The following FPGS variants were observed in gnomAD, a reference collection of about 807,000 sequenced individuals.
The protein encoded by FPGS is folylpolyglutamate synthase.
FPGS carries 53 observed loss-of-function variants against 66.5 expected under a neutral mutation model. The ratio of observed to expected loss-of-function variants is 0.80; its 90% confidence interval spans 0.64 to 1.00. The LOEUF is 1.00. Ranked by LOEUF, FPGS falls within the 50% of genes least tolerant of loss-of-function variation. The pLI is 0.00. For synonymous variants in FPGS, 348 were observed against 350.9 expected (o/e 0.99, Z 0.09); for missense variants, 702 against 807.7 (o/e 0.87, Z 1.59).
chr9:127,808,779 T>C (rs1417109518), intron 10 of FPGS, 21 bp from the exon 11 acceptor site: 5 of 1,555,626 alleles, frequency 3.2e-6, no homozygotes, highest in African/African-American at 2.7e-5. Flanking sequence ...CCGGACACAC[T>C]TGGTCTCACA....
Position 127,804,285 on chromosome 9 carries a change from G to A in FPGS, c.139G>A (p.Asp47Asn). ...ACTATCTGGGCACTGTGGTTGCCAGGATGCCGTGCGCATGCTCAATACCCT... is the reference window on the plus strand; with the variant it reads ...ACTATCTGGGCACTGTGGTTGCCAGAATGCCGTGCGCATGCTCAATACCCT... ...VPQEPSMEYQ[D>N]AVRMLNTLQT... is the part of the protein sequence containing the mutation. The change falls in exon 2 of 15, where the codon GAT becomes AAT. Residue 47 changes from aspartate to asparagine, a missense_variant and splice_region_variant. Around this residue, in one of 3 missense-constraint regions of FPGS, gnomAD observed 111 missense variants for 95.4 expected, o/e 1.16. Coordinates refer to ENST00000373247, the MANE Select transcript of FPGS (RefSeq NM_004957.6). 6.2e-7 allele frequency: 1 copy of A among 1,613,914 alleles called. No homozygotes were observed. Among genetic ancestry groups the A allele is most frequent in the Non-Finnish European group, 8.5e-7 (1 of 1,179,852 alleles).
At chr9:127,806,436 G>A (rs775364186) in intron 4 of FPGS, 45 of 155,838 alleles carry the variant, frequency 2.9e-4, no homozygotes, top group Non-Finnish European at 5.3e-4. Flanking sequence ...AACCTGGGAG[G>A]CAGAGGTTGC....
At position 127,813,459 on chromosome 9, in the gene FPGS, C is replaced by T; in HGVS notation, c.1619C>T (p.Pro540Leu). The change falls in exon 15 of 15, where the codon CCC (proline) becomes CTC (leucine). Residue 540 changes from proline (P) to leucine (L), a missense_variant. Physicochemically the swap from Pro to Leu is moderately conservative, Grantham distance 98. This residue lies in a region of FPGS where 351 missense variants were observed against 363.7 expected (regional missense o/e 0.97). Coordinates refer to ENST00000373247, the MANE Select transcript of FPGS (RefSeq NM_004957.6). ...GRDPIFQPPS[P>L]PKGLLTHPVA... is the part of the protein sequence containing the mutation. ...GACCCCATCTTCCAGCCACCTAGTC[C>T]CCCAAAGGGCCTCCTCACCCACCCT... is the stretch of plus-strand genomic sequence containing the variant. 6.2e-7 allele frequency: 1 copy of T among 1,612,736 alleles called. No homozygotes were observed. The highest frequency in any genetic ancestry group is 8.5e-7 in the Non-Finnish European group (1 of 1,179,432).
Position 127,806,303 on chromosome 9 carries a change from C to G in FPGS, c.387-670C>G, listed in dbSNP as rs541232105. On this transcript the variant is annotated intron_variant, in intron 4 of 14. Coordinates refer to ENST00000373247, the MANE Select transcript of FPGS (RefSeq NM_004957.6). ...GGTGGATCACCAGAGGTCAGGAGTT[C>G]AAGACCAGCCTGGCTAACATGGCGT... is the stretch of plus-strand genomic sequence containing the variant. Among the ~76,000 whole-genome samples, 3 of 152,284 alleles carry G rather than the reference C, an allele frequency of 2.0e-5. No homozygotes were observed. In the South Asian group the frequency reaches 6.2e-4, roughly 32 times the overall value.
In FPGS at chr9:127,810,011, G is replaced by A; in HGVS notation, c.1212-20G>A. On this transcript the variant is annotated intron_variant, in intron 12 of 14. Transcript: ENST00000373247. ...AGAACGGGCGGCGCCCTTTGACCCAGCTCCTCACCTCTGTCGCAGTGGCCC... is the reference window on the plus strand; with the variant it reads ...AGAACGGGCGGCGCCCTTTGACCCAACTCCTCACCTCTGTCGCAGTGGCCC... The A allele has an allele frequency of 6.2e-7, 1 of 1,605,290 alleles. No homozygotes were observed.
Position 127,807,889 on chromosome 9 carries a change from T to C in FPGS, c.744+201T>C. 3.5e-6 allele frequency: 2 copies of C among 576,404 alleles called. No individual in the cohort carries two copies. The highest frequency in any genetic ancestry group is 3.8e-5 in the African/African-American group (2 of 53,306). The allele number at this position is 576,404 out of a possible 1,614,324, so 35.7% of individuals were successfully genotyped here. On this transcript the variant is annotated intron_variant, in intron 8 of 14. Coordinates refer to ENST00000373247, the MANE Select transcript of FPGS (RefSeq NM_004957.6). The surrounding 1 kb of genome is among the most constrained non-coding windows in gnomAD (Gnocchi z 5.8). The stretch of plus-strand genomic sequence containing the variant: ...AGGAGGTCGAGGTGAGAGGATCACC[T>C]GAGATCCGGAGTTTGAGACCAGCCT...
rs1243127123 is a variant in FPGS, at chr9:127,809,720, T to G, written c.1097T>G (p.Val366Gly). ...ACGGAGTGGCCGGGCCGGACGCAGG[T>G]GCTGCGGCGCGGGCCCCTCACCTGG... Reference protein sequence around the residue: ...RNTEWPGRTQVLRRGPLTWYL... With the variant: ...RNTEWPGRTQGLRRGPLTWYL... Residue 366 changes from valine to glycine, a missense_variant, in exon 12 of 15, where the codon GTG becomes GGG. By Grantham distance (109) the Val-to-Gly change is moderately radical. Coordinates refer to ENST00000373247, the MANE Select transcript of FPGS (RefSeq NM_004957.6). 3 of 1,589,126 alleles carry G rather than the reference T, an allele frequency of 1.9e-6. No homozygotes were observed. The highest frequency in any genetic ancestry group is 1.7e-6 in the Non-Finnish European group (2 of 1,175,682).
intron 4 of FPGS, among the ~76,000 whole-genome samples, chr9:127,805,826 G>A (rs1439851126): frequency 1.3e-5 from 2 of 152,116 alleles, no homozygotes; most frequent in African/African-American, 4.8e-5. Flanking sequence ...CTGGGGCAGC[G>A]CCCCCTCTTG....
chr9:127,812,851 T>G (rs1830137236), intron 14 of FPGS, among the ~76,000 whole-genome samples: 1 of 152,160 alleles, frequency 6.6e-6, no homozygotes, highest in African/African-American at 2.4e-5. Flanking sequence ...TTAACCAGCA[T>G]CCCCAGAAAT....
chr9:127,805,455 G>A (rs1829772040), intron 4 of FPGS, among the ~76,000 whole-genome samples: 1 of 151,820 alleles, frequency 6.6e-6, no homozygotes, highest in Non-Finnish European at 1.5e-5. Context: ...CAGATGGTCA[G>A]ATGTCTCTTT....
chr9:127,813,138 C>T (rs914022121), intron 14 of FPGS, 57 bp from the exon 15 acceptor site: 28 of 1,512,864 alleles, frequency 1.9e-5, no homozygotes, highest in Non-Finnish European at 2.2e-5. Context: ...CCTTTCTCCA[C>T]CCCTGTCCCT....
Position 127,808,259 on chromosome 9 carries a change from TC to T in FPGS, c.772del (p.Gln258AsnfsTer9). The T allele has an allele frequency of 1.2e-6, 2 of 1,614,086 alleles. No individual in the cohort carries two copies. Among genetic ancestry groups the T allele is most frequent in the Non-Finnish European group, 1.7e-6 (2 of 1,179,958 alleles). ...CAAGGTGTCCCTGCCTTCACTGTGC[TC>T]CAACCTGAAGGTCCCCTGGCAGTGC... is the stretch of plus-strand genomic sequence containing the variant. Reference protein sequence around the residue: ...FKQGVPAFTVLQPEGPLAVLR... With the variant: ...FKQGVPAFTVXQPEGPLAVLR... On this transcript the variant is annotated frameshift_variant, in exon 9 of 15. Transcript: ENST00000373247. LOFTEE classifies it high-confidence loss of function.
At position 127,809,682 on chromosome 9, in the gene FPGS, A is replaced by G; in HGVS notation, c.1061-2A>G. On this transcript the variant is annotated splice_acceptor_variant, in intron 11 of 14. Coordinates refer to ENST00000373247, the MANE Select transcript of FPGS (RefSeq NM_004957.6). LOFTEE classifies it high-confidence loss of function. ...GAGGACTGCCTTGCTGCCCTCCCCCAGGGCTTCGGAACACGGAGTGGCCGG... is the reference window on the plus strand; with the variant it reads ...GAGGACTGCCTTGCTGCCCTCCCCCGGGGCTTCGGAACACGGAGTGGCCGG... The G allele has an allele frequency of 6.3e-7, 1 of 1,585,934 alleles. No individual in the cohort carries two copies. The highest frequency in any genetic ancestry group is 8.5e-7 in the Non-Finnish European group (1 of 1,173,692).
Position 127,813,268 on chromosome 9 carries a change from C to A in FPGS, c.1428C>A (p.His476Gln). The A allele has an allele frequency of 6.2e-7, 1 of 1,612,870 alleles. No homozygotes were observed. The highest frequency in any genetic ancestry group is 8.5e-7 in the Non-Finnish European group (1 of 1,179,750). ...RCLEHQQHWNHLDEEQASPDL... is the reference protein window; with the variant it reads ...RCLEHQQHWNQLDEEQASPDL... Reference sequence around the variant, plus strand: ...TGGAACACCAGCAGCACTGGAACCACCTGGACGAAGAGCAGGCCAGCCCGG... The same window carrying A: ...TGGAACACCAGCAGCACTGGAACCAACTGGACGAAGAGCAGGCCAGCCCGG... Residue 476 changes from histidine (H) to glutamine (Q), a missense_variant, in exon 15 of 15, where the codon CAC (histidine) becomes CAA (glutamine). By Grantham distance (24) the His-to-Gln change is conservative. Transcript: ENST00000373247.
intron 4 of FPGS, chr9:127,806,624 T>C: frequency 3.8e-6 from 1 of 264,950 alleles, no homozygotes; most frequent in Admixed American, 4.6e-5. Context: ...TTGTGGGCTT[T>C]GTCTCTGAGA....
chr9:127,810,852 G>A, intron 13 of FPGS, 93 bp from the exon 14 acceptor site: 1 of 653,282 alleles, frequency 1.5e-6, no homozygotes. Context: ...CAGGGAGGCT[G>A]CATCTCCAGA....
Position 127,809,825 on chromosome 9 carries a change from G to A in FPGS, c.1202G>A (p.Arg401Lys). ...CGCCAGGCGCTGCAGGGCCGCGAGAGGCCGAGCGGGTGAGGGGCAGGGCTG... is the reference window on the plus strand; with the variant it reads ...CGCCAGGCGCTGCAGGGCCGCGAGAAGCCGAGCGGGTGAGGGGCAGGGCTG... Reference protein sequence around the residue: ...WFRQALQGRERPSGGPEVRVL... With the variant: ...WFRQALQGREKPSGGPEVRVL... Residue 401 changes from arginine to lysine, a missense_variant, in exon 12 of 15, where the codon AGG becomes AAG. Physicochemically the swap from Arg to Lys is conservative, Grantham distance 26 (BLOSUM62 2). Coordinates refer to ENST00000373247, the MANE Select transcript of FPGS (RefSeq NM_004957.6). The A allele has an allele frequency of 6.9e-7, 1 of 1,447,554 alleles. No homozygotes were observed. The highest frequency in any genetic ancestry group is 9.0e-7 in the Non-Finnish European group (1 of 1,110,258). The allele number at this position is 1,447,554 out of a possible 1,614,324, so 89.7% of individuals were successfully genotyped here.
chr9:127,813,496 T>C lies in FPGS; in HGVS notation c.1656T>C (p.Ser552=), dbSNP rs1335092633. Residue 552 remains serine, a synonymous_variant, in exon 15 of 15, where the codon AGT becomes AGC. Transcript: ENST00000373247. ...KGLLTHPVAH[S]GASILREAAA... ...TCCTCACCCACCCTGTGGCTCACAG[T>C]GGGGCCAGCATACTCCGTGAGGCTG... 6.2e-7 allele frequency: 1 copy of C among 1,613,096 alleles called. No individual in the cohort carries two copies.
chr9:127,810,091 G>A lies in FPGS; in HGVS notation c.1272G>A (p.Leu424=), dbSNP rs1294192276. 1 of 1,613,074 alleles carries A rather than the reference G, an allele frequency of 6.2e-7. No homozygotes were observed. The highest frequency in any genetic ancestry group is 8.5e-7 in the Non-Finnish European group (1 of 1,179,834). Residue 424 remains leucine, a synonymous_variant, in exon 13 of 15, where the codon CTG becomes CTA. Coordinates refer to ENST00000373247, the MANE Select transcript of FPGS (RefSeq NM_004957.6). The part of the protein sequence containing the change: ...NATGDRDPAA[L]LKLLQPCQFD... The stretch of plus-strand genomic sequence containing the variant: ...CCGGGGACCGGGACCCGGCGGCCCT[G>A]CTGAAGCTGCTGCAGGTGAGGGGCC...
Sources: allele counts gnomAD v4.1 joint callset (sites outside exome capture counted in the v4.1 genomes callset), GRCh38; gene constraint gnomAD v4.1.1; regional missense constraint gnomAD v4.1.1; non-coding constraint Gnocchi (gnomAD v3.1); transcripts MANE v1.5; gene names NCBI Gene and HGNC (gene_info 2026-07-23, HGNC 2026-07-21).